RUNX1T1: variants seen among roughly 807,000 people sequenced by gnomAD.
The protein encoded by RUNX1T1 is protein CBFA2T1.
RUNX1T1 carries 4 observed loss-of-function variants against 62.8 expected under a neutral mutation model. That is an observed-to-expected ratio of 0.06 (90% CI 0.03 to 0.15). RUNX1T1 has a LOEUF of 0.15. Ranked by LOEUF, RUNX1T1 falls within the 10% of genes least tolerant of loss-of-function variation. The probability of loss-of-function intolerance (pLI) is 1.00; values close to 1 mark genes in which losing one functional copy is unlikely to be tolerated. For synonymous variants in RUNX1T1, 291 were observed against 286.0 expected (o/e 1.02, Z -0.18); for missense variants, 508 against 754.3 (o/e 0.67, Z 3.82).
rs536495142 is a variant in RUNX1T1 at position 92,016,909 on chromosome 8, A to G, written c.145+317T>C. 2.0e-5 allele frequency among the ~76,000 whole-genome samples: 3 copies of G among 152,308 alleles called. No individual in the cohort carries two copies. The East Asian group carries it at 5.8e-4, about 29-fold the overall frequency. On this transcript the variant is annotated intron_variant, in intron 2 of 10. Coordinates refer to ENST00000396218, the Ensembl canonical transcript of RUNX1T1. ...AAACTAAAATAAAGAGCTCCACATT[A>G]AGATGAATTAGAAGTTACAGTGGTA...
intron 5 of RUNX1T1, among the ~76,000 whole-genome samples, chr8:91,993,936 G>A (rs529711659): frequency 1.3e-5 from 2 of 152,264 alleles, no homozygotes; most frequent in South Asian, 4.1e-4. Flanking sequence ...AAGATGCAGT[G>A]AGCCGAGATT....
chr8:92,038,334 C>T (rs1305913687), intron 1 of RUNX1T1, among the ~76,000 whole-genome samples: 8 of 151,850 alleles, frequency 5.3e-5, no homozygotes, highest in Admixed American at 5.2e-4. Flanking sequence ...TATAAAAAAG[C>T]ATAAAAAATC....
chr8:91,971,174 C>T, intron 9 of RUNX1T1: 1 of 229,614 alleles, frequency 4.4e-6, no homozygotes, highest in Non-Finnish European at 8.4e-6. Flanking sequence ...GAAAATGTTT[C>T]TTTAACTTGA....
intron 1 of RUNX1T1, among the ~76,000 whole-genome samples, chr8:92,097,723 A>T: frequency 6.6e-6 from 1 of 152,346 alleles, no homozygotes; most frequent in South Asian, 2.1e-4. Flanking sequence ...TTCAAAAGCT[A>T]ATCTGCCAGT....
At position 92,060,551 on chromosome 8, in the gene RUNX1T1, A is replaced by ATG. The variant is rs1239294685; in HGVS notation, c.7+1994_7+1995insCA. Among the ~76,000 whole-genome samples, 299 of 95,294 alleles carry ATG rather than the reference A, an allele frequency of 3.1e-3. 2 individuals are homozygous for ATG. Among genetic ancestry groups the ATG allele is most frequent in the African/African-American group, 8.2e-3 (210 of 25,722 alleles). 62.5% of individuals were successfully genotyped at this position (95,294 alleles called of 152,430 possible). A position where few individuals can be genotyped will look rare whatever the true frequency, so the allele number is the denominator to read the frequency against. ...TATATATATATATATATATATATAT[A>ATG]TATGTGTGTGTGTGTGTGTGTGTGT... On this transcript the variant is annotated intron_variant, in intron 1 of 10. Coordinates refer to ENST00000396218, the Ensembl canonical transcript of RUNX1T1.
chr8:91,955,222 A>T (rs78029773), downstream of RUNX1T1: 4,293 of 220,466 alleles, frequency 0.019, 174 homozygotes, highest in African/African-American at 0.087. Context: ...CAACATATCC[A>T]CTTGAATGAA....
At chr8:91,999,186 T>C (rs976483312) in intron 5 of RUNX1T1, among the ~76,000 whole-genome samples, 1 of 152,164 alleles carries the variant, frequency 6.6e-6, no homozygotes, top group East Asian at 1.9e-4. Flanking sequence ...TATACTTTCA[T>C]ACAGGACATG....
chr8:92,057,997 T>C (rs1203142702), intron 1 of RUNX1T1, among the ~76,000 whole-genome samples: 1 of 152,126 alleles, frequency 6.6e-6, no homozygotes, highest in Admixed American at 6.5e-5. Context: ...CTGCAGCAAG[T>C]AGAAGGAGCC....
At chr8:91,998,342 G>T (rs916529581) in intron 5 of RUNX1T1, among the ~76,000 whole-genome samples, 1 of 152,164 alleles carries the variant, frequency 6.6e-6, no homozygotes, top group African/African-American at 2.4e-5. Context: ...ACTCTAGAGG[G>T]AGGGGGACAT....
intron 7 of RUNX1T1, 45 bp downstream of exon 8, chr8:91,986,842 G>T: frequency 7.8e-7 from 1 of 1,286,832 alleles, no homozygotes; most frequent in Non-Finnish European, 1.1e-6. Flanking sequence ...CACTCCAGTT[G>T]TTTTCCAAAC....
chr8:92,013,558 T>C (rs1196532637), intron 3 of RUNX1T1, among the ~76,000 whole-genome samples: 1 of 152,158 alleles, frequency 6.6e-6, no homozygotes, highest in Non-Finnish European at 1.5e-5. Flanking sequence ...GAGACGACCA[T>C]AACCCTGGAC....
intron 5 of RUNX1T1, chr8:91,994,581 C>T (rs1448546327): frequency 6.0e-6 from 3 of 496,398 alleles, no homozygotes; most frequent in Non-Finnish European, 1.2e-5. Context: ...GCTGTGTGAC[C>T]TTGGTCAAGT....
chr8:92,076,870 C>G (rs769049710), intron 1 of RUNX1T1, among the ~76,000 whole-genome samples: 2 of 151,786 alleles, frequency 1.3e-5, no homozygotes, highest in Non-Finnish European at 2.9e-5. Context: ...AAAATGAGAC[C>G]ACTACTATCA....
chr8:92,006,787 C>A (rs1335723194), intron 4 of RUNX1T1: 5 of 151,836 alleles, frequency 3.3e-5, no homozygotes, highest in South Asian at 2.1e-4. Context: ...GGTTTTAAGC[C>A]CCATATATGT....
Position 92,007,014 on chromosome 8 carries a change from C to T in RUNX1T1, c.478-1717G>A, listed in dbSNP as rs150928713. On this transcript the variant is annotated intron_variant, in intron 4 of 10. Coordinates refer to ENST00000396218, the Ensembl canonical transcript of RUNX1T1. ...AGGATAACAATGCTAAAATTAAACT[C>T]TTTGTAATTAGTAAAGATGAACATG... Among the ~76,000 whole-genome samples, 88 of 152,168 alleles carry T rather than the reference C, an allele frequency of 5.8e-4. 1 individual carries two copies. In the East Asian group the frequency reaches 0.014, roughly 24 times the overall value.
At chr8:92,100,426 G>T (rs1837981778), upstream of RUNX1T1, among the ~76,000 whole-genome samples, 1 of 152,070 alleles carries the variant, frequency 6.6e-6, no homozygotes, top group Admixed American at 6.5e-5. Context: ...ATTAATGACT[G>T]AACAAAAATA....
intron 1 of RUNX1T1, among the ~76,000 whole-genome samples, chr8:92,031,576 A>T (rs1826235746): frequency 6.6e-6 from 1 of 152,092 alleles, no homozygotes; most frequent in African/African-American, 2.4e-5. Context: ...GGCTCTAGCG[A>T]TCCTCCTTTA....
downstream of RUNX1T1, chr8:91,956,990 G>C: frequency 2.4e-5 from 4 of 165,014 alleles, no homozygotes; most frequent in Non-Finnish European, 3.8e-5. Context: ...AAAAATTTAA[G>C]AAAAAAAAAA....
At chr8:92,025,206 T>C (rs566234169) in intron 1 of RUNX1T1, among the ~76,000 whole-genome samples, 23 of 152,338 alleles carry the variant, frequency 1.5e-4, no homozygotes, top group Non-Finnish European at 1.3e-4. Flanking sequence ...CCACATCCAG[T>C]TATTTTTCTA....
Sources: gnomAD v4.1 joint callset for allele counts (sites outside exome capture counted in the v4.1 genomes callset) on GRCh38, gnomAD v4.1.1 for gene constraint, MANE v1.5 for transcripts, NCBI Gene and HGNC (gene_info 2026-07-23, HGNC 2026-07-21) for gene names.